The following TDRD1 variants were observed in gnomAD, a reference collection of about 807,000 sequenced individuals.
The protein encoded by TDRD1 is tudor domain-containing protein 1.
Under a neutral mutation model 140.6 loss-of-function variants are expected in TDRD1, and 37 were observed. That is an observed-to-expected ratio of 0.26 (90% CI 0.20 to 0.35). The LOEUF is 0.35. Ranked by LOEUF, TDRD1 falls within the 10% of genes least tolerant of loss-of-function variation. The pLI, the probability that TDRD1 is intolerant of heterozygous loss-of-function variation, is 1.00. For missense variants in TDRD1, 1,243 were observed against 1,393.0 expected (o/e 0.89, Z 1.71); for synonymous variants, 506 against 475.7 (o/e 1.06, Z -0.83).
intron 3 of TDRD1, among the ~76,000 whole-genome samples, chr10:114,198,728 G>A (rs548343838): frequency 6.6e-6 from 1 of 152,208 alleles, no homozygotes; most frequent in African/African-American, 2.4e-5. Flanking sequence ...ATCATAGCTC[G>A]CTACAGCCTT....
At chr10:114,221,251 T>G (rs2036126605) in intron 19 of TDRD1, 106 bp from the exon 20 acceptor site, 2 of 1,095,550 alleles carry the variant, frequency 1.8e-6, no homozygotes, top group South Asian at 2.8e-5. Flanking sequence ...TTTGGAAATG[T>G]TGATAATCAT....
chr10:114,192,548 C>T (rs552845414), intron 3 of TDRD1, among the ~76,000 whole-genome samples: 2 of 151,976 alleles, frequency 1.3e-5, no homozygotes, highest in Non-Finnish European at 2.9e-5. Context: ...CCTCATGATC[C>T]GCCTGCCTCG....
intron 16 of TDRD1, among the ~76,000 whole-genome samples, 157 bp downstream of exon 16, chr10:114,214,271 T>A (rs576021821): frequency 6.6e-6 from 1 of 152,368 alleles, no homozygotes; most frequent in Admixed American, 6.5e-5. Context: ...CTTAGTTAGC[T>A]TTTATTCTCT....
chr10:114,211,911 A>C (rs747771056), exon 14 of TDRD1: 3 of 1,596,410 alleles, frequency 1.9e-6, no homozygotes, highest in Admixed American at 3.6e-5. Flanking sequence ...TACGCTTCTG[A>C]AGAATCTGTA....
At chr10:114,217,785 A>C (rs975857745) in intron 17 of TDRD1, 130 bp downstream of exon 17, 8 of 596,740 alleles carry the variant, frequency 1.3e-5, no homozygotes, top group African/African-American at 1.2e-4. Flanking sequence ...AATGCTTACA[A>C]TGTCATGTGT....
At chr10:114,231,470 T>G in intron 25 of TDRD1, 1 of 1,547,360 alleles carries the variant, frequency 6.5e-7, no homozygotes, top group East Asian at 2.3e-5. Flanking sequence ...GATAGTTGAT[T>G]TTTTTTCTTT....
Position 114,226,210 on chromosome 10 carries a change from C to T in TDRD1, c.3169C>T (p.Leu1057Phe), listed in dbSNP as rs777940187. 2.5e-6 allele frequency: 4 copies of T among 1,610,872 alleles called. No homozygotes were observed. In the South Asian group the frequency reaches 3.3e-5, roughly 13 times the overall value. ...TCCTTTCCAAATTATTAGATGTTCACTTGAAGGTAGACAGCTAAGTCACTT... is the reference window on the plus strand; with the variant it reads ...TCCTTTCCAAATTATTAGATGTTCATTTGAAGGTAGACAGCTAAGTCACTT... The change falls in exon 22 of 26, where the codon CTT becomes TTT. Residue 1057 changes from leucine to phenylalanine, a missense_variant. Physicochemically the swap from Leu to Phe is conservative, Grantham distance 22. Coordinates refer to ENST00000251864, the Ensembl canonical transcript of TDRD1.
At chr10:114,185,510 A>G (rs1252718888) in intron 1 of TDRD1, among the ~76,000 whole-genome samples, 1 of 151,720 alleles carries the variant, frequency 6.6e-6, no homozygotes, top group Non-Finnish European at 1.5e-5. Context: ...TAATTAATGT[A>G]AAATATCTTC....
chr10:114,222,580 A>AT lies in TDRD1; in HGVS notation c.2891-3dup. 1.3e-6 allele frequency: 2 copies of AT among 1,582,608 alleles called. No individual in the cohort carries two copies. Among genetic ancestry groups the AT allele is most frequent in the Non-Finnish European group, 1.7e-6 (2 of 1,155,370 alleles). Reference sequence around the variant, plus strand: ...TCTTCACAAAAGATTGCTTTTATATATTTTAGAAAATCAGGAAAAGCTGTG... The same window carrying AT: ...TCTTCACAAAAGATTGCTTTTATATATTTTTAGAAAATCAGGAAAAGCTGTG... On this transcript the variant is annotated splice_region_variant and splice_polypyrimidine_tract_variant and intron_variant, in intron 20 of 25. Coordinates refer to ENST00000251864, the Ensembl canonical transcript of TDRD1.
exon 26 of TDRD1, chr10:114,231,604 C>T: frequency 2.7e-6 from 3 of 1,126,614 alleles, no homozygotes; most frequent in Non-Finnish European, 1.3e-6. Context: ...TGTCCACTTT[C>T]TCTGTAATGA....
rs374468967 is a variant in TDRD1, at chr10:114,183,700, CTT to C, written c.-6-4107_-6-4106del. Among the ~76,000 whole-genome samples the C allele has an allele frequency of 4.0e-3, 515 of 129,596 alleles. 3 individuals carry two copies. The highest frequency in any genetic ancestry group is 0.014 in the African/African-American group (485 of 34,142). 85.0% of individuals were successfully genotyped at this position (129,596 alleles called of 152,430 possible). On this transcript the variant is annotated intron_variant, in intron 1 of 25. Transcript: ENST00000251864. ...TGTCTATTAAAGCCATCACAGTTAACTTTTTTTTTTTTTTTTTTTTGAGACAG... is the reference window on the plus strand; with the variant it reads ...TGTCTATTAAAGCCATCACAGTTAACTTTTTTTTTTTTTTTTTTGAGACAG...
intron 11 of TDRD1, among the ~76,000 whole-genome samples, 179 bp downstream of exon 11, chr10:114,206,509 G>C (rs1039368070): frequency 6.6e-6 from 1 of 151,762 alleles, no homozygotes; most frequent in Non-Finnish European, 1.5e-5. Context: ...AATCTTTCCT[G>C]CCTGTTCTCC....
At chr10:114,191,124 A>G in intron 3 of TDRD1, 105 bp downstream of exon 3, 11 of 1,261,518 alleles carry the variant, frequency 8.7e-6, no homozygotes, top group Non-Finnish European at 8.8e-6. Flanking sequence ...TTCAAGATCA[A>G]ATGTTTTTTC....
intron 17 of TDRD1, among the ~76,000 whole-genome samples, chr10:114,218,111 A>G (rs1420270799): frequency 6.6e-6 from 1 of 152,238 alleles, no homozygotes; most frequent in Non-Finnish European, 1.5e-5. Flanking sequence ...AAAACTGACA[A>G]GTATATTCAA....
At chr10:114,185,942 G>C in intron 1 of TDRD1, among the ~76,000 whole-genome samples, 1 of 152,044 alleles carries the variant, frequency 6.6e-6, no homozygotes, top group Non-Finnish European at 1.5e-5. Flanking sequence ...CCTTTTACTT[G>C]GAACCTTACC....
chr10:114,215,402 C>A (rs923644488), intron 16 of TDRD1, among the ~76,000 whole-genome samples: 1 of 151,982 alleles, frequency 6.6e-6, no homozygotes, highest in Non-Finnish European at 1.5e-5. Flanking sequence ...TTCATGGAGT[C>A]CAAACCTAGG....
chr10:114,228,243 T>G, intron 25 of TDRD1: 1 of 1,442,524 alleles, frequency 6.9e-7, no homozygotes, highest in Non-Finnish European at 9.1e-7. Flanking sequence ...TGTACTTTCG[T>G]GATTTAATGA....
At chr10:114,204,085 G>A in exon 9 of TDRD1, 4 of 1,605,302 alleles carry the variant, frequency 2.5e-6, no homozygotes, top group Non-Finnish European at 3.4e-6. Context: ...CTGGAACAGA[G>A]CAATCATACA....
intron 9 of TDRD1, among the ~76,000 whole-genome samples, 180 bp from the exon 10 acceptor site, chr10:114,204,542 G>A (rs565944795): frequency 2.6e-4 from 39 of 152,162 alleles, no homozygotes; most frequent in Admixed American, 7.2e-4. Context: ...AAAAGTAAGC[G>A]TTATGAATAC....
Sources: gnomAD v4.1 joint callset for allele counts (sites outside exome capture counted in the v4.1 genomes callset) on GRCh38, gnomAD v4.1.1 for gene constraint, MANE v1.5 for transcripts, NCBI Gene and HGNC (gene_info 2026-07-23, HGNC 2026-07-21) for gene names.